Variants in PRR16 observed in about 807,000 individuals in gnomAD.
The protein encoded by PRR16 is proline rich 16.
PRR16 carries 6 observed loss-of-function variants against 18.2 expected under a neutral mutation model. The ratio of observed to expected loss-of-function variants is 0.33; its 90% CI spans 0.18 to 0.65. The LOEUF (loss-of-function observed/expected upper bound fraction) is 0.65, where lower values mean the gene tolerates loss of function less well. Among genes scored for constraint, PRR16 ranks in the 30% least tolerant of loss-of-function variants. The pLI is 0.74. For synonymous variants in PRR16, 151 were observed against 147.8 expected (o/e 1.02, Z -0.16); for missense variants, 412 against 376.6 (o/e 1.09, Z -0.78).
chr5:120,745,202 A>G, the PRR16 span, among the ~76,000 whole-genome samples: 2 of 150,932 alleles, frequency 1.3e-5, no homozygotes, highest in Admixed American at 1.3e-4. Flanking sequence ...TTTGCTTCTT[A>G]CTACCCCAGA....
chr5:120,556,560 T>C (rs1752420048), intron 1 of PRR16, among the ~76,000 whole-genome samples: 1 of 151,968 alleles, frequency 6.6e-6, no homozygotes, highest in Non-Finnish European at 1.5e-5. Flanking sequence ...TACTCATTTA[T>C]ACTACCACCA....
At chr5:120,731,526 T>TA in the PRR16 span, among the ~76,000 whole-genome samples, 1,486 of 152,178 alleles carry the variant, frequency 9.8e-3, 10 homozygotes, top group Non-Finnish European at 0.014. Context: ...ATGGAACTCA[T>TA]AAAAAAACTA....
At chr5:120,539,260 AT>A (rs1037187297) in intron 1 of PRR16, among the ~76,000 whole-genome samples, 14 of 151,188 alleles carry the variant, frequency 9.3e-5, no homozygotes, top group African/African-American at 3.4e-4. Flanking sequence ...AGAAAATAAT[AT>A]TTTTTCTAAA....
intron 1 of PRR16, among the ~76,000 whole-genome samples, chr5:120,531,069 T>C (rs1751535242): frequency 6.6e-6 from 1 of 152,214 alleles, no homozygotes; most frequent in South Asian, 2.1e-4. Context: ...AACATTCTCA[T>C]TGCTTAGCTT....
intron 1 of PRR16, among the ~76,000 whole-genome samples, chr5:120,628,790 G>A (rs1375693109): frequency 2.0e-5 from 3 of 151,298 alleles, no homozygotes; most frequent in Admixed American, 6.6e-5. Flanking sequence ...GCATCTTAAG[G>A]TAGAAGCCTA....
chr5:120,745,157 A>T, the PRR16 span, among the ~76,000 whole-genome samples: 3 of 152,212 alleles, frequency 2.0e-5, no homozygotes, highest in Non-Finnish European at 2.9e-5. Context: ...CACTGTGCTG[A>T]GTCCAAAGTG....
the PRR16 span, among the ~76,000 whole-genome samples, chr5:120,774,215 C>T: frequency 5.3e-5 from 8 of 151,990 alleles, no homozygotes; most frequent in South Asian, 2.1e-4. Context: ...TTTAATTGTA[C>T]GATTCTTAGC....
chr5:120,720,401 T>A, the PRR16 span, among the ~76,000 whole-genome samples: 51,545 of 151,874 alleles, frequency 0.34, 10,788 homozygotes, highest in Middle Eastern at 0.52. Context: ...AATATATGCA[T>A]CTTTCTTCTA....
chr5:120,759,364 A>G, the PRR16 span, among the ~76,000 whole-genome samples: 1 of 152,126 alleles, frequency 6.6e-6, no homozygotes. Context: ...AAATCTTACC[A>G]AAACATTTAT....
chr5:120,756,034 G>A, the PRR16 span, among the ~76,000 whole-genome samples: 1 of 152,104 alleles, frequency 6.6e-6, no homozygotes. Flanking sequence ...TAGTCTGATT[G>A]GTTGTGGAAG....
At chr5:120,741,564 A>G in the PRR16 span, among the ~76,000 whole-genome samples, 1,212 of 152,222 alleles carry the variant, frequency 8.0e-3, 7 homozygotes, top group Middle Eastern at 0.027. Flanking sequence ...AAAGCATTCA[A>G]TATTTCATCA....
intron 1 of PRR16, among the ~76,000 whole-genome samples, chr5:120,506,008 C>G (rs776416898): frequency 1.8e-4 from 27 of 150,302 alleles, no homozygotes; most frequent in Non-Finnish European, 3.8e-4. Context: ...AGTTTCATCA[C>G]ATTTACTTCA....
intron 1 of PRR16, among the ~76,000 whole-genome samples, chr5:120,657,140 T>C (rs1756009277): frequency 6.6e-6 from 1 of 151,998 alleles, no homozygotes; most frequent in Non-Finnish European, 1.5e-5. Flanking sequence ...ATAGTTCAGC[T>C]ACTGTTTTGC....
At chr5:120,605,257 T>A (rs563246902) in intron 1 of PRR16, among the ~76,000 whole-genome samples, 3 of 152,316 alleles carry the variant, frequency 2.0e-5, no homozygotes, top group African/African-American at 7.2e-5. Context: ...AAAATTTTTA[T>A]TTTTTTCTAC....
rs190483456 is a variant in PRR16 at position 120,561,529 on chromosome 5, C to T, written c.159+96884C>T. Among the ~76,000 whole-genome samples the T allele has an allele frequency of 9.2e-4, 140 of 152,014 alleles. 1 individual carries two copies. Among genetic ancestry groups the T allele is most frequent in the Middle Eastern group, 3.4e-3 (1 of 294 alleles). ...AATATTTTAAGAACTTGTTTTGTTC[C>T]CTAACATACAGTCTGTTCTTGAGAA... On this transcript the variant is annotated intron_variant, in intron 1 of 1. Coordinates refer to ENST00000407149, the MANE Select transcript of PRR16 (RefSeq NM_001300783.2).
At chr5:120,596,056 A>G (rs1445315585) in intron 1 of PRR16, among the ~76,000 whole-genome samples, 1 of 151,600 alleles carries the variant, frequency 6.6e-6, no homozygotes, top group Non-Finnish European at 1.5e-5. Flanking sequence ...CAGCCTTTTT[A>G]TGACTTACAA....
At chr5:120,734,429 C>T in the PRR16 span, among the ~76,000 whole-genome samples, 3 of 151,996 alleles carry the variant, frequency 2.0e-5, no homozygotes, top group Admixed American at 6.6e-5. Context: ...GAAGGAAAGC[C>T]CTTGAGCCTG....
chr5:120,536,761 A>G (rs983629913), intron 1 of PRR16, among the ~76,000 whole-genome samples: 2 of 152,204 alleles, frequency 1.3e-5, no homozygotes, highest in African/African-American at 4.8e-5. Context: ...ATTTACTTAG[A>G]TTAATGTTTT....
intron 1 of PRR16, among the ~76,000 whole-genome samples, chr5:120,660,838 A>C (rs192014927): frequency 6.6e-6 from 1 of 152,276 alleles, no homozygotes; most frequent in Non-Finnish European, 1.5e-5. Flanking sequence ...TATGGAATAT[A>C]AAAAGCAAAA....
Sources: allele counts gnomAD v4.1 joint callset (sites outside exome capture counted in the v4.1 genomes callset), GRCh38; gene constraint gnomAD v4.1.1; transcripts MANE v1.5; gene names NCBI Gene and HGNC (gene_info 2026-07-23, HGNC 2026-07-21).